ACP6: variants seen among roughly 807,000 people sequenced by gnomAD.
ACP6 encodes the protein acid phosphatase 6, lysophosphatidic, also known as lysophosphatidic acid phosphatase type 6.
ACP6 carries 48 observed loss-of-function variants against 48.1 expected under a neutral mutation model. That is an observed-to-expected ratio of 1.00 (90% CI 0.79 to 1.27). The LOEUF is 1.27. Ranked by LOEUF, ACP6 falls within the 50% of genes most tolerant of loss-of-function variation. ACP6 has a pLI of 0.00. For missense variants in ACP6, 485 were observed against 529.1 expected, an observed-to-expected ratio of 0.92 and a Z score of 0.82; for synonymous variants, 172 against 204.2, an observed-to-expected ratio of 0.84 and a Z score of 1.34.
intron 7 of ACP6, 84 bp from the exon 8 acceptor site, chr1:147,650,322 T>C: frequency 1.0e-6 from 1 of 975,578 alleles, no homozygotes; most frequent in Non-Finnish European, 1.5e-6. Flanking sequence ...CAGGACCTCA[T>C]GAGTCCAGAC....
chr1:147,629,981 A>G (rs760808537), exon 6 of ACP6: 1 of 152,228 alleles, frequency 6.6e-6, no homozygotes, highest in Non-Finnish European at 1.5e-5. Context: ...ATAGAAAGAG[A>G]AAATAAACAG....
Position 147,643,611 on chromosome 1 carries a change from A to G in ACP6, c.*3812T>C, listed in dbSNP as rs1266577509. ...AGGACATGGCTCAGGACTACTTGGC[A>G]TACTCCATCTTCAACGATAGTAAGA... On this transcript the variant is annotated 3_prime_UTR_variant, in exon 10 of 10. Transcript: ENST00000583509. 2 of 152,232 alleles carry G rather than the reference A, an allele frequency of 1.3e-5. No individual in the cohort carries two copies. Among genetic ancestry groups the G allele is most frequent in the Non-Finnish European group, 2.9e-5 (2 of 68,044 alleles). 9.4% of individuals were successfully genotyped at this position (152,232 alleles called of 1,614,324 possible).
At position 147,659,719 on chromosome 1, in the gene ACP6, T is replaced by C; in HGVS notation, c.276A>G (p.Thr92=). The part of the protein sequence containing the change: ...EVPPQTQFDY[T]VTNLAGGPKP... ...TCGGACCACCAGCTAGATTGGTGACTGTGTAATCAAACTGAGTTTGGGGTG... is the reference window on the plus strand; with the variant it reads ...TCGGACCACCAGCTAGATTGGTGACCGTGTAATCAAACTGAGTTTGGGGTG... The change falls in exon 2 of 10, where the codon ACA becomes ACG. Residue 92 remains threonine (T), a synonymous_variant. Transcript: ENST00000583509. 6.2e-7 allele frequency: 1 copy of C among 1,614,176 alleles called. No individual in the cohort carries two copies.
rs371044318 is a variant in ACP6 at position 147,647,460 on chromosome 1, G to C, written c.1250C>G (p.Ser417Cys). 3 of 1,614,062 alleles carry C rather than the reference G, an allele frequency of 1.9e-6. No individual in the cohort carries two copies. Among genetic ancestry groups the C allele is most frequent in the East Asian group, 2.2e-5 (1 of 44,888 alleles). ...TCCAACTTCCATCACCTGAGTTTGAGAGCAGAGTGCGTGGTATTTTTCTGG... is the reference window on the plus strand; with the variant it reads ...TCCAACTTCCATCACCTGAGTTTGACAGCAGAGTGCGTGGTATTTTTCTGG... The part of the protein sequence containing the change: ...LSPEKYHALC[S>C]QTQVMEVGNE... The change falls in exon 10 of 10, where the codon TCT (serine) becomes TGT (cysteine). Residue 417 changes from serine (S) to cysteine (C), a missense_variant. Ser to Cys is a moderately radical substitution (Grantham distance 112, BLOSUM62 -1). Transcript: ENST00000583509.
At position 147,655,199 on chromosome 1, in the gene ACP6, G is replaced by A; in HGVS notation, c.609C>T (p.Pro203=). The change falls in exon 5 of 10, where the codon CCC becomes CCT. Residue 203 remains proline (P), a synonymous_variant. Transcript: ENST00000583509. ...TCAGGCTCCAGCAGCTTTGGTAGTT[G>A]GGATACAAGACTTCTGAATCTGCTT... is the stretch of plus-strand genomic sequence containing the variant. ...TDEADSEVLY[P]NYQSCWSLRQ... is the part of the protein sequence containing the mutation. 4 of 1,609,224 alleles carry A rather than the reference G, an allele frequency of 2.5e-6. No homozygotes were observed. The highest frequency in any genetic ancestry group is 3.4e-6 in the Non-Finnish European group (4 of 1,177,610).
At chr1:147,649,802 G>T in intron 8 of ACP6, 1 of 311,186 alleles carries the variant, frequency 3.2e-6, no homozygotes. Context: ...AATGAAAGTG[G>T]TTCAAACTAC....
At position 147,659,040 on chromosome 1, in the gene ACP6, C is replaced by T. The variant is rs1553212197; in HGVS notation, c.480-1G>A. On this transcript the variant is annotated splice_acceptor_variant, in intron 3 of 9. Coordinates refer to ENST00000583509, the MANE Select transcript of ACP6 (RefSeq NM_016361.5). LOFTEE classifies it high-confidence loss of function. Reference sequence around the variant, plus strand: ...CCGAAAAATGTTAGTGGAACGAATACTGAAAAAAATGAGAAAATAGTGACA... The same window carrying T: ...CCGAAAAATGTTAGTGGAACGAATATTGAAAAAAATGAGAAAATAGTGACA... 1 of 1,606,030 alleles carries T rather than the reference C, an allele frequency of 6.2e-7. No individual in the cohort carries two copies. Among genetic ancestry groups the T allele is most frequent in the South Asian group, 1.1e-5 (1 of 89,806 alleles).
At chr1:147,649,726 G>A (rs1360352832) in intron 8 of ACP6, 1 of 185,788 alleles carries the variant, frequency 5.4e-6, no homozygotes, top group Non-Finnish European at 1.1e-5. Context: ...ACAGGCGTGA[G>A]CCACTGCACC....
chr1:147,638,488 T>C (rs189439065), downstream of ACP6, among the ~76,000 whole-genome samples: 684 of 152,290 alleles, frequency 4.5e-3, 6 homozygotes, highest in African/African-American at 0.016. Context: ...TATATACATA[T>C]ATTCCCATGT....
In ACP6 at chr1:147,647,057, C is replaced by T. The variant is rs1470832308; in HGVS notation, c.*366G>A. The T allele has an allele frequency of 1.0e-5, 2 of 191,434 alleles. No homozygotes were observed. The highest frequency in any genetic ancestry group is 2.2e-5 in the Non-Finnish European group (2 of 91,762). The allele number at this position is 191,434 out of a possible 1,614,324, so 11.9% of individuals were successfully genotyped here. On this transcript the variant is annotated 3_prime_UTR_variant, in exon 10 of 10. Coordinates refer to ENST00000583509, the MANE Select transcript of ACP6 (RefSeq NM_016361.5). ...CAACAACTTGAGGGCAGAGTGTTTTCACCTTTATAATGATCACTACTTAGT... is the reference window on the plus strand; with the variant it reads ...CAACAACTTGAGGGCAGAGTGTTTTTACCTTTATAATGATCACTACTTAGT...
chr1:147,668,347 A>G (rs1248367925), intron 1 of ACP6, among the ~76,000 whole-genome samples: 2 of 152,038 alleles, frequency 1.3e-5, no homozygotes, highest in African/African-American at 4.8e-5. Context: ...GAAGATATCC[A>G]TCACACACCC....
chr1:147,670,261 A>C lies in ACP6; in HGVS notation c.-213T>G. On this transcript the variant is annotated 5_prime_UTR_variant, in exon 1 of 10. Coordinates refer to ENST00000583509, the MANE Select transcript of ACP6 (RefSeq NM_016361.5). ...AGAGAACAAGAGGTGGCAGCAGCGA[A>C]GAGTCCCTGGGAGTTTTAACCCGGG... is the stretch of plus-strand genomic sequence containing the variant. The C allele has an allele frequency of 1.9e-6, 1 of 527,812 alleles. No homozygotes were observed. The highest frequency in any genetic ancestry group is 3.4e-6 in the Non-Finnish European group (1 of 296,546). The allele number at this position is 527,812 out of a possible 1,614,324, so 32.7% of individuals were successfully genotyped here. A position where few individuals can be genotyped will look rare whatever the true frequency, so the allele number is the denominator to read the frequency against.
intron 6 of ACP6, among the ~76,000 whole-genome samples, chr1:147,652,912 C>T (rs1377543868): frequency 6.6e-6 from 1 of 152,246 alleles, no homozygotes; most frequent in Non-Finnish European, 1.5e-5. Context: ...CTGCAAGCTC[C>T]ACCTCCTGGG....
At chr1:147,662,085 C>T (rs1660573776) in intron 1 of ACP6, among the ~76,000 whole-genome samples, 1 of 152,230 alleles carries the variant, frequency 6.6e-6, no homozygotes, top group African/African-American at 2.4e-5. Context: ...CATCTGTTTA[C>T]AGCATGGTCT....
Position 147,670,266 on chromosome 1 carries a change from C to A in ACP6, c.-218G>T. 2.0e-6 allele frequency: 1 copy of A among 505,330 alleles called. No individual in the cohort carries two copies. Among genetic ancestry groups the A allele is most frequent in the East Asian group, 3.1e-5 (1 of 31,764 alleles). The allele number at this position is 505,330 out of a possible 1,614,324, so 31.3% of individuals were successfully genotyped here. ...ACAAGAGGTGGCAGCAGCGAAGAGT[C>A]CCTGGGAGTTTTAACCCGGGTCGGG... On this transcript the variant is annotated 5_prime_UTR_variant, in exon 1 of 10. Coordinates refer to ENST00000583509, the MANE Select transcript of ACP6 (RefSeq NM_016361.5).
At chr1:147,656,787 C>CTTGGATTCTACATCT (rs1280822601) in intron 4 of ACP6, among the ~76,000 whole-genome samples, 1 of 152,160 alleles carries the variant, frequency 6.6e-6, no homozygotes, top group African/African-American at 2.4e-5. Context: ...CCTCCATGTC[C>CTTGGATTCTACATCT]TTGGATTCTA....
chr1:147,650,281 G>C (rs1659849775), intron 7 of ACP6, 43 bp from the exon 8 acceptor site: 1 of 1,417,394 alleles, frequency 7.1e-7, no homozygotes. Flanking sequence ...AGGGCACTCA[G>C]CATTCAGGGG....
intron 1 of ACP6, among the ~76,000 whole-genome samples, chr1:147,662,076 A>G: frequency 6.6e-6 from 1 of 152,248 alleles, no homozygotes; most frequent in Admixed American, 6.5e-5. Flanking sequence ...ATGGCAGGAC[A>G]TCTGTTTACA....
intron 4 of ACP6, among the ~76,000 whole-genome samples, chr1:147,656,118 CT>C (rs1176087377): frequency 2.0e-5 from 3 of 152,188 alleles, no homozygotes; most frequent in Non-Finnish European, 4.4e-5. Flanking sequence ...GAACCAAGGG[CT>C]TTAAAAATAG....
Sources: allele counts gnomAD v4.1 joint callset (sites outside exome capture counted in the v4.1 genomes callset), GRCh38; gene constraint gnomAD v4.1.1; transcripts MANE v1.5; gene names NCBI Gene and HGNC (gene_info 2026-07-23, HGNC 2026-07-21).